The following RASEF variants were observed in gnomAD, a reference collection of about 807,000 sequenced individuals.
RASEF encodes ras and EF-hand domain-containing protein.
In RASEF, 68 loss-of-function variants were observed where a neutral mutation model predicts 90.1. The ratio of observed to expected loss-of-function variants is 0.75; its 90% CI spans 0.62 to 0.92. The LOEUF (loss-of-function observed/expected upper bound fraction) is 0.92. Among genes scored for constraint, RASEF ranks in the 40% least tolerant of loss-of-function variants. The pLI, the probability that RASEF is intolerant of heterozygous loss-of-function variation, is 0.00. For missense variants in RASEF, 949 were observed against 937.2 expected (o/e 1.01, Z -0.16); for synonymous variants, 331 against 345.2 (o/e 0.96, Z 0.46).
rs747239446 is a variant in RASEF, at chr9:83,007,449, A to G, written c.1016T>C (p.Ile339Thr). The part of the protein sequence containing the change: ...TEDRNSLERQ[I>T]EILQTANRKL... The stretch of plus-strand genomic sequence containing the variant: ...TCTGCGGACTTACTGGAGTATTTCA[A>G]TTTGCCTCTCAAGACTATTTCGATC... Residue 339 changes from isoleucine to threonine, a missense_variant, in exon 7 of 17, where the codon ATT becomes ACT. By Grantham distance (89) the Ile-to-Thr change is moderately conservative. Transcript: ENST00000376447. 5.6e-6 allele frequency: 9 copies of G among 1,611,010 alleles called. No homozygotes were observed. Among genetic ancestry groups the G allele is most frequent in the Middle Eastern group, 1.7e-4 (1 of 6,052 alleles).
chr9:83,058,172 CTTTTTTTTT>C (rs555842009), intron 1 of RASEF, among the ~76,000 whole-genome samples: 15 of 57,898 alleles, frequency 2.6e-4, no homozygotes, highest in South Asian at 1.4e-3. Context: ...GTATTTATGT[CTTTTTTTTT>C]TTTTTTTTTT....
the RASEF span, among the ~76,000 whole-genome samples, chr9:83,174,812 G>A: frequency 1.3e-5 from 2 of 152,000 alleles, no homozygotes; most frequent in Non-Finnish European, 2.9e-5. Flanking sequence ...ATGTTTTCTG[G>A]TTGTAACAGT....
At chr9:83,012,079 G>GA (rs568786747) in intron 5 of RASEF, among the ~76,000 whole-genome samples, 298 of 140,808 alleles carry the variant, frequency 2.1e-3, no homozygotes, top group South Asian at 2.9e-3. Context: ...AAAAGCGACA[G>GA]AAAAAAAAAA....
chr9:83,058,592 G>A (rs1201378765), intron 1 of RASEF, among the ~76,000 whole-genome samples: 2 of 152,132 alleles, frequency 1.3e-5, no homozygotes. Context: ...TACAAAACAA[G>A]GCAATCATTC....
chr9:83,139,406 A>G, the RASEF span, among the ~76,000 whole-genome samples: 1 of 152,196 alleles, frequency 6.6e-6, no homozygotes, highest in Admixed American at 6.6e-5. Context: ...CCTACTATTG[A>G]GCAGAAGCCT....
At chr9:83,031,601 CA>C (rs1351653399) in intron 1 of RASEF, among the ~76,000 whole-genome samples, 2 of 152,152 alleles carry the variant, frequency 1.3e-5, no homozygotes, top group African/African-American at 4.8e-5. Context: ...CTCTTCACAC[CA>C]AAAGTAAGTG....
chr9:83,023,596 C>T (rs748912713), intron 2 of RASEF, among the ~76,000 whole-genome samples: 62 of 152,316 alleles, frequency 4.1e-4, no homozygotes, highest in Non-Finnish European at 7.3e-4. Flanking sequence ...TTATTATCTT[C>T]TGTTCCTATT....
chr9:83,188,683 G>T, the RASEF span, among the ~76,000 whole-genome samples: 1 of 152,076 alleles, frequency 6.6e-6, no homozygotes, highest in Non-Finnish European at 1.5e-5. Context: ...CAGAGACCAG[G>T]ATCTCTTTTC....
chr9:83,101,497 T>C, the RASEF span, among the ~76,000 whole-genome samples: 1 of 152,250 alleles, frequency 6.6e-6, no homozygotes, highest in African/African-American at 2.4e-5. Context: ...TAAAGTTACT[T>C]GAACAATATT....
chr9:83,063,201 G>A (rs1191052721), upstream of RASEF: 1 of 302,056 alleles, frequency 3.3e-6, no homozygotes, highest in Non-Finnish European at 6.1e-6. Flanking sequence ...GCTCCGCCCA[G>A]CCAGGGAGGA....
chr9:83,039,309 G>A (rs1829797240), intron 1 of RASEF, among the ~76,000 whole-genome samples: 1 of 152,014 alleles, frequency 6.6e-6, no homozygotes, highest in Non-Finnish European at 1.5e-5. Flanking sequence ...TACCTTCCCA[G>A]TTACCCTATC....
the RASEF span, among the ~76,000 whole-genome samples, chr9:83,112,339 T>C: frequency 2.0e-5 from 3 of 152,214 alleles, no homozygotes; most frequent in Admixed American, 6.5e-5. Flanking sequence ...TTAGAAACCA[T>C]ACAAATATCC....
intron 1 of RASEF, among the ~76,000 whole-genome samples, chr9:83,032,836 A>G (rs939621837): frequency 3.9e-5 from 6 of 152,228 alleles, no homozygotes; most frequent in Non-Finnish European, 8.8e-5. Flanking sequence ...ACCCATTTTC[A>G]TAAGATTAAC....
the RASEF span, among the ~76,000 whole-genome samples, chr9:83,165,301 A>G: frequency 1.7e-4 from 26 of 152,098 alleles, no homozygotes; most frequent in Non-Finnish European, 2.4e-4. Flanking sequence ...AAATCATACA[A>G]TGTTTGCTCT....
chr9:83,121,295 TAATA>T, the RASEF span, among the ~76,000 whole-genome samples: 3 of 152,100 alleles, frequency 2.0e-5, no homozygotes, highest in African/African-American at 7.2e-5. Context: ...TGCATATATA[TAATA>T]TATATCTAGA....
intron 1 of RASEF, among the ~76,000 whole-genome samples, chr9:83,029,526 G>A (rs932695778): frequency 6.6e-6 from 1 of 150,820 alleles, no homozygotes; most frequent in African/African-American, 2.4e-5. Flanking sequence ...CTGAGTAGCT[G>A]AGATTACAGG....
chr9:83,086,680 C>G, the RASEF span, among the ~76,000 whole-genome samples: 1 of 152,132 alleles, frequency 6.6e-6, no homozygotes, highest in Admixed American at 6.6e-5. Context: ...AGCAAGCAAG[C>G]CTCAGTTCCT....
At chr9:83,000,410 G>T (rs1398082791) in intron 11 of RASEF, 23 bp downstream of exon 11, 1 of 1,612,248 alleles carries the variant, frequency 6.2e-7, no homozygotes, top group African/African-American at 1.3e-5. Flanking sequence ...TTCATGAATA[G>T]GAGTGTCTCG....
At chr9:83,136,293 G>A in the RASEF span, among the ~76,000 whole-genome samples, 2 of 151,924 alleles carry the variant, frequency 1.3e-5, no homozygotes, top group African/African-American at 4.8e-5. Context: ...TATTTGCATG[G>A]TTTCATAGCA....
Sources: gnomAD v4.1 joint callset for allele counts (sites outside exome capture counted in the v4.1 genomes callset) on GRCh38, gnomAD v4.1.1 for gene constraint, MANE v1.5 for transcripts, NCBI Gene and HGNC (gene_info 2026-07-23, HGNC 2026-07-21) for gene names.